Variants in MTA3 observed in about 807,000 individuals in gnomAD.
The protein encoded by MTA3 is metastasis-associated protein MTA3.
In MTA3, 34 loss-of-function variants were observed where a neutral mutation model predicts 83.5. That is an observed-to-expected ratio of 0.41 (90% CI 0.31 to 0.54). The LOEUF (loss-of-function observed/expected upper bound fraction) is 0.54, where lower values mean the gene tolerates loss of function less well. Among genes scored for constraint, MTA3 ranks in the 20% least tolerant of loss-of-function variants. The probability of loss-of-function intolerance (pLI) is 0.33; values close to 1 mark genes in which losing one functional copy is unlikely to be tolerated. For missense variants in MTA3, 761 were observed against 726.4 expected (o/e 1.05, Z -0.55); for synonymous variants, 303 against 252.7 (o/e 1.20, Z -1.89).
Position 42,754,424 on chromosome 2 carries a change from G to A in MTA3, c.*1025G>A, listed in dbSNP as rs1573865835. 18 of 985,316 alleles carry A rather than the reference G, an allele frequency of 1.8e-5. No individual in the cohort carries two copies. The highest frequency in any genetic ancestry group is 1.9e-5 in the Non-Finnish European group (16 of 829,962). The allele number at this position is 985,316 out of a possible 1,614,324, so 61.0% of individuals were successfully genotyped here. On this transcript the variant is annotated 3_prime_UTR_variant, in exon 17 of 17. Transcript: ENST00000405094. Reference sequence around the variant, plus strand: ...TGTGAGCACATGTGACCTAGGCCCCGGGGGACCTGCCTGCTCCTTTGGCTT... The same window carrying A: ...TGTGAGCACATGTGACCTAGGCCCCAGGGGACCTGCCTGCTCCTTTGGCTT...
chr2:42,660,973 C>T (rs908097712), intron 8 of MTA3, among the ~76,000 whole-genome samples: 1 of 152,198 alleles, frequency 6.6e-6, no homozygotes, highest in African/African-American at 2.4e-5. Flanking sequence ...TTGTGAGCCA[C>T]TGCTCCCAGC....
At position 42,715,606 on chromosome 2, in the gene MTA3, T is replaced by G. The variant is rs539786123; in HGVS notation, c.1526-3382T>G. On this transcript the variant is annotated intron_variant, in intron 14 of 16. Coordinates refer to ENST00000405094, the MANE Select transcript of MTA3 (RefSeq NM_001330442.2). ...CTTTCTAAAAAGCTTTGATCTCCCATTCAGAGGTACTCTGTAATGCAAATT... is the reference window on the plus strand; with the variant it reads ...CTTTCTAAAAAGCTTTGATCTCCCAGTCAGAGGTACTCTGTAATGCAAATT... Among the ~76,000 whole-genome samples, 7 of 152,266 alleles carry G rather than the reference T, an allele frequency of 4.6e-5. No homozygotes were observed. In the South Asian group the frequency reaches 6.2e-4, roughly 14 times the overall value.
chr2:42,666,708 C>G (rs1389530121), intron 8 of MTA3, among the ~76,000 whole-genome samples: 1 of 152,178 alleles, frequency 6.6e-6, no homozygotes, highest in Admixed American at 6.5e-5. Context: ...CCTTCCCATT[C>G]CCTGCATACC....
In MTA3 at chr2:42,636,092, G is replaced by A. The variant is rs969775899; in HGVS notation, c.318-4081G>A. ...CCAGGAATGGTTTTTTAAGTTTAGT[G>A]AACTTAAAAAAGTTCACTAAACTTG... On this transcript the variant is annotated intron_variant, in intron 4 of 16. Coordinates refer to ENST00000405094, the MANE Select transcript of MTA3 (RefSeq NM_001330442.2). Among the ~76,000 whole-genome samples, 3 of 152,012 alleles carry A rather than the reference G, an allele frequency of 2.0e-5. No homozygotes were observed. In the South Asian group the frequency reaches 6.2e-4, roughly 32 times the overall value.
rs1050471778 is a variant in MTA3, at chr2:42,755,134, C to T, written c.*1735C>T. 6.1e-6 allele frequency: 6 copies of T among 985,270 alleles called. No individual in the cohort carries two copies. The highest frequency in any genetic ancestry group is 6.1e-5 in the Admixed American group (1 of 16,266). 61.0% of individuals were successfully genotyped at this position (985,270 alleles called of 1,614,324 possible). On this transcript the variant is annotated 3_prime_UTR_variant, in exon 17 of 17. Transcript: ENST00000405094. ...TCAGCAAAGACCTGGGAGGAGGTGC[C>T]GCATCACGTGGATGTTTCTTCCCTA...
intron 2 of MTA3, among the ~76,000 whole-genome samples, chr2:42,552,892 T>C (rs918536882): frequency 6.7e-6 from 1 of 150,140 alleles, no homozygotes; most frequent in Admixed American, 6.7e-5. Context: ...GGAAGCTGCA[T>C]TGAGCCGAGA....
At position 42,709,081 on chromosome 2, in the gene MTA3, G is replaced by A; in HGVS notation, c.1510G>A (p.Ala504Thr). The change falls in exon 14 of 17, where the codon GCC becomes ACC. Residue 504 changes from alanine (A) to threonine (T), a missense_variant. Ala to Thr is a moderately conservative substitution (Grantham distance 58, BLOSUM62 0). Transcript: ENST00000405094. ...GCCGTTTGTTGCTATTAATTATGCT[G>A]CCATTAGGGCAGAATGTAAGATGCT... is the stretch of plus-strand genomic sequence containing the variant. ...RRPFVAINYA[A>T]IRAEYADRHA... is the part of the protein sequence containing the mutation. 1 of 1,603,126 alleles carries A rather than the reference G, an allele frequency of 6.2e-7. No homozygotes were observed. The highest frequency in any genetic ancestry group is 1.3e-5 in the African/African-American group (1 of 74,750).
chr2:42,606,468 C>T (rs1573224427), intron 3 of MTA3, among the ~76,000 whole-genome samples: 1 of 151,372 alleles, frequency 6.6e-6, no homozygotes, highest in Middle Eastern at 3.4e-3. Flanking sequence ...GATCTCCTCA[C>T]ATCCCAGATG....
intron 16 of MTA3, chr2:42,723,307 T>C (rs1667563464): frequency 5.0e-6 from 2 of 404,028 alleles, no homozygotes; most frequent in East Asian, 8.8e-5. Context: ...TTCTGCTGGG[T>C]AATAATGTTC....
At chr2:42,643,045 CCT>C (rs200166153) in intron 5 of MTA3, among the ~76,000 whole-genome samples, 2,028 of 107,046 alleles carry the variant, frequency 0.019, 54 homozygotes, top group African/African-American at 0.066. Context: ...CCCCCCCCCC[CCT>C]TTTTTTTTTA....
chr2:42,613,036 T>C (rs1684416492), intron 4 of MTA3, among the ~76,000 whole-genome samples: 1 of 152,230 alleles, frequency 6.6e-6, no homozygotes, highest in African/African-American at 2.4e-5. Flanking sequence ...TTGGTTTCTT[T>C]TAACAGATTG....
intron 3 of MTA3, among the ~76,000 whole-genome samples, chr2:42,587,991 AT>A (rs1340100845): frequency 6.6e-6 from 1 of 152,066 alleles, no homozygotes; most frequent in East Asian, 1.9e-4. Flanking sequence ...AACTATTTAC[AT>A]TTTCTGAGTT....
chr2:42,532,985 G>T, intron 2 of MTA3: 1 of 187,532 alleles, frequency 5.3e-6, no homozygotes, highest in African/African-American at 2.4e-5. Flanking sequence ...AATTCTCTTA[G>T]CAAGAACCTT....
At position 42,551,189 on chromosome 2, in the gene MTA3, TG is replaced by T. The variant is rs1220673188; in HGVS notation, c.-140-19247del. Among the ~76,000 whole-genome samples, 399 of 152,036 alleles carry T rather than the reference TG, an allele frequency of 2.6e-3. 2 individuals are homozygous for T. Among genetic ancestry groups the T allele is most frequent in the African/African-American group, 9.2e-3 (380 of 41,486 alleles). On this transcript the variant is annotated intron_variant, in intron 2 of 17. Coordinates refer to the MTA3 transcript ENST00000405592. The stretch of plus-strand genomic sequence containing the variant: ...TCAGTGAATATTTCTTTTTTTTTTT[TG>T]TTTGTTTGTTTGTTTTTTGAGACGA...
At chr2:42,640,261 GT>G in intron 5 of MTA3, 25 bp downstream of exon 5, 8 of 1,531,422 alleles carry the variant, frequency 5.2e-6, no homozygotes, top group Non-Finnish European at 5.3e-6. Context: ...TAGTTGTTTT[GT>G]TTTTTTCTCC....
At chr2:42,573,074 A>G (rs1216088184) in intron 2 of MTA3, among the ~76,000 whole-genome samples, 1 of 152,162 alleles carries the variant, frequency 6.6e-6, no homozygotes, top group Non-Finnish European at 1.5e-5. Context: ...TGCATGGACC[A>G]TGGATTTTCT....
At chr2:42,516,911 G>A (rs1675169522) in intron 2 of MTA3, among the ~76,000 whole-genome samples, 2 of 152,144 alleles carry the variant, frequency 1.3e-5, no homozygotes, top group Admixed American at 6.6e-5. Context: ...GAATACTTGA[G>A]CCCAGGAGTT....
chr2:42,683,045 T>C (rs1192297918), intron 9 of MTA3, among the ~76,000 whole-genome samples: 1 of 152,218 alleles, frequency 6.6e-6, no homozygotes, highest in Non-Finnish European at 1.5e-5. Flanking sequence ...CACTGCAGCC[T>C]GGGCAACAGA....
At chr2:42,711,154 G>A (rs1002547852) in intron 14 of MTA3, among the ~76,000 whole-genome samples, 1 of 152,120 alleles carries the variant, frequency 6.6e-6, no homozygotes, top group African/African-American at 2.4e-5. Context: ...ATTAAGATTG[G>A]TGGGGATCCA....
Sources: gnomAD v4.1 joint callset for allele counts (sites outside exome capture counted in the v4.1 genomes callset) on GRCh38, gnomAD v4.1.1 for gene constraint, MANE v1.5 for transcripts, NCBI Gene and HGNC (gene_info 2026-07-23, HGNC 2026-07-21) for gene names.